Variants in ARL3 observed in about 807,000 individuals in gnomAD.
ARL3 encodes the protein ARF like GTPase 3.
In ARL3, 9 loss-of-function variants were observed where a neutral mutation model predicts 26.0. That is an observed-to-expected ratio of 0.35 (90% CI 0.21 to 0.60). ARL3 has a LOEUF of 0.60. Among genes scored for constraint, ARL3 ranks in the 20% least tolerant of loss-of-function variants. ARL3 has a pLI of 0.78. For missense variants in ARL3, 158 were observed against 215.7 expected, an observed-to-expected ratio of 0.73 and a Z score of 1.67; for synonymous variants, 71 against 78.4, an observed-to-expected ratio of 0.91 and a Z score of 0.50.
intron 5 of ARL3, among the ~76,000 whole-genome samples, chr10:102,684,348 AC>A (rs1432143066): frequency 6.6e-6 from 1 of 151,840 alleles, no homozygotes; most frequent in East Asian, 1.9e-4. Flanking sequence ...ACGGGGCTTC[AC>A]TGTGTTAGCC....
intron 2 of ARL3, among the ~76,000 whole-genome samples, chr10:102,700,826 C>G (rs1483551142): frequency 6.7e-6 from 1 of 148,360 alleles, no homozygotes; most frequent in East Asian, 2.0e-4. Flanking sequence ...CAACCTCCAC[C>G]TCCCGGATTC....
chr10:102,701,869 G>A (rs2064281291), intron 2 of ARL3, among the ~76,000 whole-genome samples: 1 of 152,014 alleles, frequency 6.6e-6, no homozygotes, highest in Admixed American at 6.6e-5. Context: ...AACATAGAAA[G>A]ATGTTCATGA....
chr10:102,711,332 G>GTGTATATATATATATA (rs1337966760), intron 1 of ARL3, among the ~76,000 whole-genome samples: 2 of 41,472 alleles, frequency 4.8e-5, no homozygotes, highest in Non-Finnish European at 8.4e-5. Context: ...GTGTGTGTGT[G>GTGTATATATATATATA]TGTGTATATA....
chr10:102,703,803 T>G (rs971401961), intron 2 of ARL3, among the ~76,000 whole-genome samples: 1 of 151,990 alleles, frequency 6.6e-6, no homozygotes, highest in Non-Finnish European at 1.5e-5. Context: ...CTTTATGCTT[T>G]GCTTGCTTGC....
intron 4 of ARL3, among the ~76,000 whole-genome samples, chr10:102,688,380 A>T (rs895206137): frequency 6.6e-6 from 1 of 152,164 alleles, no homozygotes; most frequent in Non-Finnish European, 1.5e-5. Context: ...AAGTCTGGAG[A>T]GTTCTCAACT....
At chr10:102,677,206 C>T (rs1453314308) in intron 5 of ARL3, among the ~76,000 whole-genome samples, 1 of 152,092 alleles carries the variant, frequency 6.6e-6, no homozygotes, top group Non-Finnish European at 1.5e-5. Context: ...TCAGGAACTC[C>T]CTCTGAAAAA....
intron 1 of ARL3, among the ~76,000 whole-genome samples, chr10:102,706,377 G>C (rs1319720568): frequency 6.6e-6 from 1 of 151,966 alleles, no homozygotes; most frequent in African/African-American, 2.4e-5. Flanking sequence ...GCTTGAACCT[G>C]GGAGGCGGAG....
At chr10:102,689,986 GAA>G in intron 3 of ARL3, 43 bp from the exon 4 acceptor site, 1 of 1,367,256 alleles carries the variant, frequency 7.3e-7, no homozygotes, top group Non-Finnish European at 1.0e-6. Flanking sequence ...AGCAGAGATG[GAA>G]AAGACAGGGC....
chr10:102,680,134 C>T (rs2064148642), intron 5 of ARL3, among the ~76,000 whole-genome samples: 1 of 152,274 alleles, frequency 6.6e-6, no homozygotes, highest in African/African-American at 2.4e-5. Flanking sequence ...TTAGTAGAGA[C>T]AGCGTTTCAC....
chr10:102,703,805 C>G (rs534967708), intron 2 of ARL3, among the ~76,000 whole-genome samples: 2 of 152,000 alleles, frequency 1.3e-5, no homozygotes, highest in African/African-American at 4.8e-5. Flanking sequence ...TTATGCTTTG[C>G]TTGCTTGCCC....
intron 3 of ARL3, among the ~76,000 whole-genome samples, chr10:102,696,155 G>A (rs1214932917): frequency 6.6e-6 from 1 of 151,564 alleles, no homozygotes; most frequent in Non-Finnish European, 1.5e-5. Context: ...TAGTAGAGAC[G>A]GGGTTTCACC....
At chr10:102,678,217 T>C (rs908340556) in intron 5 of ARL3, among the ~76,000 whole-genome samples, 2 of 151,302 alleles carry the variant, frequency 1.3e-5, no homozygotes. Flanking sequence ...AGCCCGAAGG[T>C]GGACAGCACC....
At chr10:102,702,164 C>T (rs2064283361) in intron 2 of ARL3, among the ~76,000 whole-genome samples, 1 of 152,030 alleles carries the variant, frequency 6.6e-6, no homozygotes, top group Non-Finnish European at 1.5e-5. Context: ...TGTACTCCAG[C>T]CTGGCCGACA....
chr10:102,682,180 G>C (rs1038633685), intron 5 of ARL3, among the ~76,000 whole-genome samples: 2 of 152,054 alleles, frequency 1.3e-5, no homozygotes, highest in Non-Finnish European at 2.9e-5. Flanking sequence ...TCCTCTTTCC[G>C]CTTTCATCCA....
chr10:102,679,559 C>T (rs1435021408), intron 5 of ARL3, among the ~76,000 whole-genome samples: 1 of 152,124 alleles, frequency 6.6e-6, no homozygotes, highest in African/African-American at 2.4e-5. Flanking sequence ...TGGGTACCTG[C>T]CGGGTGAAGG....
At chr10:102,696,754 C>G (rs1300743125) in intron 3 of ARL3, among the ~76,000 whole-genome samples, 1 of 152,152 alleles carries the variant, frequency 6.6e-6, no homozygotes, top group African/African-American at 2.4e-5. Flanking sequence ...CTCCCATTTA[C>G]TGAGAAGACT....
At chr10:102,678,807 C>T (rs1286400686) in intron 5 of ARL3, among the ~76,000 whole-genome samples, 1 of 152,208 alleles carries the variant, frequency 6.6e-6, no homozygotes, top group Non-Finnish European at 1.5e-5. Flanking sequence ...TGGTTTTATG[C>T]CGGGTCTCTG....
In ARL3 at chr10:102,675,415, T is replaced by C. The variant is rs1474831355; in HGVS notation, c.*1479A>G. 6.6e-6 allele frequency: 1 copy of C among 152,262 alleles called. No individual in the cohort carries two copies. Among genetic ancestry groups the C allele is most frequent in the Non-Finnish European group, 1.5e-5 (1 of 68,070 alleles). The allele number at this position is 152,262 out of a possible 1,614,324, so 9.4% of individuals were successfully genotyped here. On this transcript the variant is annotated 3_prime_UTR_variant, in exon 6 of 6. Coordinates refer to ENST00000260746, the MANE Select transcript of ARL3 (RefSeq NM_004311.4). ...CCTTCAGTCTGCTCACACGCCCTGATGGGCTTGGGAAGGGCCACCTCCCAG... is the reference window on the plus strand; with the variant it reads ...CCTTCAGTCTGCTCACACGCCCTGACGGGCTTGGGAAGGGCCACCTCCCAG...
chr10:102,706,335 C>T (rs916787550), intron 1 of ARL3, among the ~76,000 whole-genome samples: 7 of 151,902 alleles, frequency 4.6e-5, no homozygotes, highest in Admixed American at 4.6e-4. Flanking sequence ...CTTTGTAGTC[C>T]CACCTACTCG....
Sources: gnomAD v4.1 joint callset for allele counts (sites outside exome capture counted in the v4.1 genomes callset) on GRCh38, gnomAD v4.1.1 for gene constraint, MANE v1.5 for transcripts, NCBI Gene and HGNC (gene_info 2026-07-23, HGNC 2026-07-21) for gene names.